The following EPHB1 variants were observed in gnomAD, a reference collection of about 807,000 sequenced individuals.
EPHB1 encodes ephrin type-B receptor 1.
A neutral mutation model predicts 94.4 loss-of-function variants in EPHB1; 30 were observed. That is an observed-to-expected ratio of 0.32 (90% CI 0.24 to 0.43). The LOEUF (loss-of-function observed/expected upper bound fraction) is 0.43, where lower values mean the gene tolerates loss of function less well. Ranked by LOEUF, EPHB1 falls within the 20% of genes least tolerant of loss-of-function variation. The probability of loss-of-function intolerance (pLI) is 1.00; values close to 1 mark genes in which losing one functional copy is unlikely to be tolerated. For synonymous variants in EPHB1, 522 were observed against 489.1 expected, an observed-to-expected ratio of 1.07 and a Z score of -0.89; for missense variants, 1,055 against 1,308.3, an observed-to-expected ratio of 0.81 and a Z score of 2.99.
At chr3:135,201,327 G>T (rs567702249) in intron 11 of EPHB1, 147 bp from the exon 12 acceptor site, 34 of 737,170 alleles carry the variant, frequency 4.6e-5, no homozygotes, top group Non-Finnish European at 7.9e-5. Context: ...GAAGAATGGG[G>T]GATGGGAGTG....
chr3:135,106,698 G>C, intron 4 of EPHB1, 95 bp downstream of exon 4: 1 of 1,493,582 alleles, frequency 6.7e-7, no homozygotes, highest in Non-Finnish European at 9.2e-7. Flanking sequence ...ATCATCCTTT[G>C]ATCCCAGGGC....
intron 6 of EPHB1, among the ~76,000 whole-genome samples, chr3:135,160,933 A>AG (rs1446036779): frequency 1.3e-5 from 2 of 152,194 alleles, no homozygotes; most frequent in Non-Finnish European, 2.9e-5. Flanking sequence ...CCCCGGATTT[A>AG]GGGGAATGTG....
intron 5 of EPHB1, among the ~76,000 whole-genome samples, chr3:135,136,562 A>G (rs1208559681): frequency 2.0e-5 from 3 of 152,206 alleles, no homozygotes; most frequent in African/African-American, 7.2e-5. Context: ...GAATTTGCTC[A>G]GCATCTCACA....
chr3:135,125,567 C>A (rs941623054), intron 4 of EPHB1, among the ~76,000 whole-genome samples: 1 of 152,160 alleles, frequency 6.6e-6, no homozygotes, highest in Non-Finnish European at 1.5e-5. Flanking sequence ...AGTGTCATAA[C>A]CACAAATGGT....
At chr3:134,800,031 T>C (rs1050345959) in intron 1 of EPHB1, among the ~76,000 whole-genome samples, 2 of 152,068 alleles carry the variant, frequency 1.3e-5, no homozygotes, top group Non-Finnish European at 2.9e-5. Context: ...ATGAAAGGAA[T>C]ATATGGGTCA....
At chr3:135,114,144 A>G (rs1939579751) in intron 4 of EPHB1, among the ~76,000 whole-genome samples, 1 of 152,148 alleles carries the variant, frequency 6.6e-6, no homozygotes, top group African/African-American at 2.4e-5. Context: ...GATTTCAGAC[A>G]TTTTACCTTG....
intron 4 of EPHB1, among the ~76,000 whole-genome samples, chr3:135,110,867 G>T (rs76226283): frequency 6.6e-6 from 1 of 152,158 alleles, no homozygotes; most frequent in Non-Finnish European, 1.5e-5. Context: ...CAGGGCAGTG[G>T]TGGGGTGGGG....
chr3:134,939,027 T>A (rs2039064554), intron 2 of EPHB1, among the ~76,000 whole-genome samples: 1 of 152,172 alleles, frequency 6.6e-6, no homozygotes, highest in Non-Finnish European at 1.5e-5. Flanking sequence ...CCTAGCAATC[T>A]GAATATACTC....
rs981929047 is a variant in EPHB1 at position 134,889,376 on chromosome 3, G to A, written c.59-36440G>A. 8.5e-5 allele frequency among the ~76,000 whole-genome samples: 13 copies of A among 152,152 alleles called. 1 individual carries two copies. In the East Asian group the frequency reaches 2.5e-3, roughly 29 times the overall value. On this transcript the variant is annotated intron_variant, in intron 1 of 15. Transcript: ENST00000398015. ...CTTGACCCTCATGATGGGCCACTTT[G>A]GGCTGTGGCTCCAGCCCCCAAGTCC... is the stretch of plus-strand genomic sequence containing the variant.
chr3:135,189,793 C>G (rs765103528), intron 10 of EPHB1, among the ~76,000 whole-genome samples: 5 of 152,208 alleles, frequency 3.3e-5, no homozygotes, highest in Non-Finnish European at 7.3e-5. Context: ...CTTTTCCAAA[C>G]TCCACACACT....
At chr3:135,011,138 T>C (rs1015442729) in intron 3 of EPHB1, among the ~76,000 whole-genome samples, 12 of 152,200 alleles carry the variant, frequency 7.9e-5, no homozygotes, top group African/African-American at 2.7e-4. Context: ...TTTATATACA[T>C]GGGTCACATA....
chr3:134,848,619 T>C (rs1487455427), intron 1 of EPHB1, among the ~76,000 whole-genome samples: 5 of 152,224 alleles, frequency 3.3e-5, no homozygotes, highest in African/African-American at 9.6e-5. Flanking sequence ...TAACTTTTTA[T>C]TGCCATTATG....
chr3:134,812,370 A>G (rs555854957), intron 1 of EPHB1, among the ~76,000 whole-genome samples: 1 of 152,310 alleles, frequency 6.6e-6, no homozygotes, highest in South Asian at 2.1e-4. Flanking sequence ...ATCATAGAGT[A>G]TGTGCTCTTT....
At chr3:134,966,103 G>C (rs558078712) in intron 3 of EPHB1, among the ~76,000 whole-genome samples, 3 of 152,332 alleles carry the variant, frequency 2.0e-5, no homozygotes, top group African/African-American at 7.2e-5. Flanking sequence ...GAGGCCATCT[G>C]CTCGCTCCTT....
intron 3 of EPHB1, among the ~76,000 whole-genome samples, chr3:135,083,814 A>G (rs991204742): frequency 6.6e-6 from 1 of 152,176 alleles, no homozygotes; most frequent in Non-Finnish European, 1.5e-5. Flanking sequence ...AAATGAGTCC[A>G]TTGAATCCTC....
chr3:135,249,301 A>C lies in EPHB1; in HGVS notation c.2691-35A>C, dbSNP rs370770003. 51 of 1,589,290 alleles carry C rather than the reference A, an allele frequency of 3.2e-5. No individual in the cohort carries two copies. The African/African-American group carries it at 5.5e-4, about 17-fold the overall frequency. On this transcript the variant is annotated intron_variant, in intron 14 of 15. Transcript: ENST00000398015. ...TGGGGCACTGTCCATGCATCTCTGC[A>C]ATGTGTGGTCACCTGCCCATCTCTG... is the stretch of plus-strand genomic sequence containing the variant.
chr3:134,911,242 T>A (rs558636137), intron 1 of EPHB1, among the ~76,000 whole-genome samples: 1 of 151,810 alleles, frequency 6.6e-6, no homozygotes, highest in Non-Finnish European at 1.5e-5. Context: ...TGGGTGAGAG[T>A]GAAGATCCTG....
intron 4 of EPHB1, among the ~76,000 whole-genome samples, chr3:135,118,814 G>A (rs764778425): frequency 1.3e-5 from 2 of 152,118 alleles, no homozygotes; most frequent in Middle Eastern, 3.2e-3. Flanking sequence ...GTTCCCCATG[G>A]GTGAGTGTTT....
chr3:135,043,606 C>T (rs993239005), intron 3 of EPHB1, among the ~76,000 whole-genome samples: 1 of 152,210 alleles, frequency 6.6e-6, no homozygotes, highest in Non-Finnish European at 1.5e-5. Flanking sequence ...AGGTAATCAC[C>T]TGTCTCTGTG....
Sources: gnomAD v4.1 joint callset for allele counts (sites outside exome capture counted in the v4.1 genomes callset) on GRCh38, gnomAD v4.1.1 for gene constraint, MANE v1.5 for transcripts, NCBI Gene and HGNC (gene_info 2026-07-23, HGNC 2026-07-21) for gene names.